Variants in SHISAL1 observed in about 807,000 individuals in gnomAD.
SHISAL1 encodes shisa like 1.
SHISAL1 carries 9 observed loss-of-function variants against 22.6 expected under a neutral mutation model. The observed-to-expected ratio is 0.40, with a 90% CI of 0.24 to 0.70. The LOEUF is 0.70. Among genes scored for constraint, SHISAL1 ranks in the 30% least tolerant of loss-of-function variants. SHISAL1 has a pLI of 0.39. For missense variants in SHISAL1, 246 were observed against 270.6 expected, an observed-to-expected ratio of 0.91 and a Z score of 0.64; for synonymous variants, 119 against 115.4, an observed-to-expected ratio of 1.03 and a Z score of -0.20.
intron 2 of SHISAL1, among the ~76,000 whole-genome samples, chr22:44,298,576 C>T (rs116403171): frequency 1.4e-4 from 21 of 152,332 alleles, no homozygotes; most frequent in Non-Finnish European, 2.1e-4. Context: ...ACGCTCAGTG[C>T]GTGGGCAGCT....
At chr22:44,283,648 G>A (rs1171199260) in intron 4 of SHISAL1, among the ~76,000 whole-genome samples, 1 of 152,238 alleles carries the variant, frequency 6.6e-6, no homozygotes, top group Non-Finnish European at 1.5e-5. Flanking sequence ...CTTGGCAAGT[G>A]TTCGGCGAGG....
At chr22:44,250,546 A>G (rs528000284) in intron 4 of SHISAL1, among the ~76,000 whole-genome samples, 1 of 152,208 alleles carries the variant, frequency 6.6e-6, no homozygotes, top group Non-Finnish European at 1.5e-5. Flanking sequence ...TGTGTCTATT[A>G]TAAGAGCAAT....
At chr22:44,316,775 G>A (rs1382082304), upstream of SHISAL1, among the ~76,000 whole-genome samples, 3 of 152,220 alleles carry the variant, frequency 2.0e-5, no homozygotes, top group Non-Finnish European at 4.4e-5. Flanking sequence ...GCACCTGCAA[G>A]TCTGAGAAGA....
intron 4 of SHISAL1, among the ~76,000 whole-genome samples, chr22:44,253,782 CA>C (rs921039331): frequency 2.0e-4 from 31 of 151,792 alleles, no homozygotes; most frequent in African/African-American, 6.8e-4. Context: ...ATTCCATATG[CA>C]GTTGGCAAAA....
chr22:44,272,556 C>T (rs2055212343), intron 4 of SHISAL1, among the ~76,000 whole-genome samples: 1 of 152,194 alleles, frequency 6.6e-6, no homozygotes, highest in African/African-American at 2.4e-5. Flanking sequence ...GTTCCAGAGA[C>T]AGAAAGGGAC....
chr22:44,313,051 G>T (rs574438397), upstream of SHISAL1, among the ~76,000 whole-genome samples: 1 of 152,316 alleles, frequency 6.6e-6, no homozygotes, highest in African/African-American at 2.4e-5. Context: ...GCCCAGGATG[G>T]CAGCGGCTGC....
At chr22:44,255,209 C>T (rs116272525) in intron 4 of SHISAL1, among the ~76,000 whole-genome samples, 1,765 of 152,128 alleles carry the variant, frequency 0.012, 31 homozygotes, top group African/African-American at 0.041. Context: ...GAGATGGAGT[C>T]GGAGTTTCAC....
the SHISAL1 span, among the ~76,000 whole-genome samples, chr22:44,327,044 A>G: frequency 2.6e-5 from 4 of 152,224 alleles, no homozygotes; most frequent in Admixed American, 2.6e-4. Flanking sequence ...GACCTTGAAC[A>G]CGGTCCCAGC....
chr22:44,323,669 AT>A, the SHISAL1 span, among the ~76,000 whole-genome samples: 1 of 149,856 alleles, frequency 6.7e-6, no homozygotes, highest in African/African-American at 2.5e-5. Context: ...CCATCCATCC[AT>A]CCATCCATCC....
the SHISAL1 span, among the ~76,000 whole-genome samples, chr22:44,321,718 G>T: frequency 6.6e-6 from 1 of 152,184 alleles, no homozygotes; most frequent in Non-Finnish European, 1.5e-5. Flanking sequence ...GCAGGCAGCA[G>T]AAACCAGCCC....
At chr22:44,260,337 G>A (rs2055112871) in intron 4 of SHISAL1, among the ~76,000 whole-genome samples, 1 of 152,216 alleles carries the variant, frequency 6.6e-6, no homozygotes, top group African/African-American at 2.4e-5. Context: ...TGATTTGAGA[G>A]CCCATCTCGA....
At chr22:44,268,954 G>T (rs992893967) in intron 4 of SHISAL1, among the ~76,000 whole-genome samples, 31 of 152,150 alleles carry the variant, frequency 2.0e-4, no homozygotes, top group Non-Finnish European at 4.4e-4. Flanking sequence ...ATGGGCCCTG[G>T]CACCCTTGCA....
Position 44,297,294 on chromosome 22 carries a change from G to A in SHISAL1, c.68-409C>T, listed in dbSNP as rs181503638. 3.4e-3 allele frequency among the ~76,000 whole-genome samples: 518 copies of A among 152,334 alleles called. 1 individual carries two copies. The highest frequency in any genetic ancestry group is 5.5e-3 in the Non-Finnish European group (376 of 68,042). ...GAGGCTCAGAGACCTAAGGTGACTT[G>A]CCCGAGCTGATAAGTGTTGGAGGGA... On this transcript the variant is annotated intron_variant, in intron 2 of 4. Transcript: ENST00000381176.
chr22:44,296,177 A>G (rs1453355147), intron 3 of SHISAL1, among the ~76,000 whole-genome samples: 1 of 120,926 alleles, frequency 8.3e-6, no homozygotes, highest in Non-Finnish European at 1.6e-5. Context: ...TTCTTTTTTG[A>G]GACGGAGTTT....
At chr22:44,252,505 T>A (rs988722590) in intron 4 of SHISAL1, among the ~76,000 whole-genome samples, 1 of 151,280 alleles carries the variant, frequency 6.6e-6, no homozygotes, top group Admixed American at 6.6e-5. Flanking sequence ...AGAGACCATA[T>A]GGTAAAAATT....
chr22:44,278,668 G>A (rs946886739), intron 4 of SHISAL1, among the ~76,000 whole-genome samples: 1 of 152,184 alleles, frequency 6.6e-6, no homozygotes, highest in Non-Finnish European at 1.5e-5. Context: ...GGGTCAAGGA[G>A]TTGTGTTCCC....
At chr22:44,262,572 C>G (rs369478741) in intron 4 of SHISAL1, among the ~76,000 whole-genome samples, 4 of 152,236 alleles carry the variant, frequency 2.6e-5, no homozygotes, top group South Asian at 2.1e-4. Context: ...AAATGAGGCT[C>G]AGAGAGACAA....
At chr22:44,311,556 T>C (rs1268871381) in intron 1 of SHISAL1, among the ~76,000 whole-genome samples, 1 of 152,230 alleles carries the variant, frequency 6.6e-6, no homozygotes, top group East Asian at 1.9e-4. Flanking sequence ...TCTGCACCCA[T>C]CAAAGTTCTC....
chr22:44,324,566 T>C, the SHISAL1 span, among the ~76,000 whole-genome samples: 5 of 152,260 alleles, frequency 3.3e-5, no homozygotes, highest in African/African-American at 1.2e-4. Context: ...CTGTGCTAAC[T>C]AAACCCTTTG....
Sources: allele counts gnomAD v4.1 joint callset (sites outside exome capture counted in the v4.1 genomes callset), GRCh38; gene constraint gnomAD v4.1.1; transcripts MANE v1.5; gene names NCBI Gene and HGNC (gene_info 2026-07-23, HGNC 2026-07-21).